UGT2B17: variants seen among roughly 807,000 people sequenced by gnomAD.
UGT2B17 encodes UDP glucuronosyltransferase family 2 member B17, also known as UDP-glucuronosyltransferase 2B17.
In UGT2B17, 21 loss-of-function variants were observed where a neutral mutation model predicts 48.2. The observed-to-expected ratio is 0.44, with a 90% CI of 0.31 to 0.63. The LOEUF (loss-of-function observed/expected upper bound fraction) is 0.63. UGT2B17 is among the 20% of genes least tolerant of loss of function. UGT2B17 has a pLI of 0.08. For missense variants in UGT2B17, 402 were observed against 696.1 expected, an observed-to-expected ratio of 0.58 and a Z score of 4.75; for synonymous variants, 146 against 238.4, an observed-to-expected ratio of 0.61 and a Z score of 3.57.
intron 6 of UGT2B17, 24 bp downstream of exon 6, chr4:68,550,653 T>C: frequency 7.4e-7 from 1 of 1,353,882 alleles, no homozygotes; most frequent in Non-Finnish European, 9.6e-7. Flanking sequence ...AAGTACCACC[T>C]GGTCACAAAA....
rs1296745368 is a variant in UGT2B17, at chr4:68,555,424, A to T, written c.1006-3513T>A. 9.5e-5 allele frequency among the ~76,000 whole-genome samples: 12 copies of T among 126,390 alleles called. 4 individuals carry two copies. Among genetic ancestry groups the T allele is most frequent in the African/African-American group, 3.2e-4 (12 of 37,204 alleles). 82.9% of individuals were successfully genotyped at this position (126,390 alleles called of 152,430 possible). A position where few individuals can be genotyped will look rare whatever the true frequency, so the allele number is the denominator to read the frequency against. On this transcript the variant is annotated intron_variant, in intron 4 of 6. Coordinates refer to ENST00000317746, the MANE Select transcript of UGT2B17 (RefSeq NM_001077.4). Reference sequence around the variant, plus strand: ...CACAGGCATTAAGCTTTGTTTTGGGAAAAGACTGTTATCATTTTTATTTCA... The same window carrying T: ...CACAGGCATTAAGCTTTGTTTTGGGTAAAGACTGTTATCATTTTTATTTCA...
chr4:68,551,488 A>T (rs1384914350), intron 5 of UGT2B17, among the ~76,000 whole-genome samples: 1 of 124,302 alleles, frequency 8.0e-6, no homozygotes, highest in Non-Finnish European at 1.7e-5. Flanking sequence ...GTACCTGTTG[A>T]AATAACCCTG....
intron 1 of UGT2B17, among the ~76,000 whole-genome samples, chr4:68,570,029 C>T (rs1731274585): frequency 7.9e-6 from 1 of 126,102 alleles, no homozygotes; most frequent in South Asian, 3.5e-4. Context: ...CCACAGCAAC[C>T]AGACAAAGGA....
rs1239824381 is a variant in UGT2B17, at chr4:68,550,761, T to C, written c.1229A>G (p.Lys410Arg). 47 of 1,388,100 alleles carry C rather than the reference T, an allele frequency of 3.4e-5. 11 individuals carry two copies. The highest frequency in any genetic ancestry group is 4.4e-5 in the Non-Finnish European group (47 of 1,063,182). 86.0% of individuals were successfully genotyped at this position (1,388,100 alleles called of 1,614,324 possible). A position where few individuals can be genotyped will look rare whatever the true frequency, so the allele number is the denominator to read the frequency against. Residue 410 changes from lysine to arginine, a missense_variant, in exon 6 of 7, where the codon AAG (lysine) becomes AGG (arginine). This residue lies in a region of UGT2B17 where 156 missense variants were observed against 258.6 expected (regional missense o/e 0.60). Coordinates refer to ENST00000317746, the MANE Select transcript of UGT2B17 (RefSeq NM_001077.4). ...QHDNIAHMKA[K>R]GAALSVDIRT... ...GATGTCCACACTGAGGGCTGCTCCCTTGGCTTTCATGTGAGCAATGTTATC... is the reference window on the plus strand; with the variant it reads ...GATGTCCACACTGAGGGCTGCTCCCCTGGCTTTCATGTGAGCAATGTTATC...
At chr4:68,547,420 T>C (rs189029061) in intron 6 of UGT2B17, among the ~76,000 whole-genome samples, 4,719 of 125,546 alleles carry the variant, frequency 0.038, 1,046 homozygotes, top group African/African-American at 0.12. Context: ...ATACAAAAAT[T>C]AATTGAAGAT....
rs796231523 is a variant in UGT2B17 at position 68,548,492 on chromosome 4, G to T, written c.1313+2185C>A. 1.5e-4 allele frequency among the ~76,000 whole-genome samples: 19 copies of T among 124,738 alleles called. 2 individuals carry two copies. The highest frequency in any genetic ancestry group is 4.4e-4 in the African/African-American group (16 of 36,548). The allele number at this position is 124,738 out of a possible 152,430, so 81.8% of individuals were successfully genotyped here. ...TTAATGTTAAATGACGAGTTAATGG[G>T]TGCAGCACACCAACATGGCACATGT... On this transcript the variant is annotated intron_variant, in intron 6 of 6. Transcript: ENST00000317746.
In UGT2B17 at chr4:68,544,874, T is replaced by G. The variant is rs1480869256; in HGVS notation, c.1313+5803A>C. 1.6e-5 allele frequency among the ~76,000 whole-genome samples: 2 copies of G among 126,102 alleles called. 1 individual carries two copies. Among genetic ancestry groups the G allele is most frequent in the African/African-American group, 5.4e-5 (2 of 36,950 alleles). 82.7% of individuals were successfully genotyped at this position (126,102 alleles called of 152,430 possible). ...ATTACATAATGGTAAAGGGATCAAT[T>G]CAACAAGAAGAGCTAACTATCCTAA... is the stretch of plus-strand genomic sequence containing the variant. On this transcript the variant is annotated intron_variant, in intron 6 of 6. Transcript: ENST00000317746.
chr4:68,565,003 T>G lies in UGT2B17; in HGVS notation c.873+569A>C, dbSNP rs189431193. Among the ~76,000 whole-genome samples the G allele has an allele frequency of 7.5e-3, 947 of 126,194 alleles. 165 individuals are homozygous for G. Among genetic ancestry groups the G allele is most frequent in the African/African-American group, 0.024 (891 of 36,982 alleles). The allele number at this position is 126,194 out of a possible 152,430, so 82.8% of individuals were successfully genotyped here. A position where few individuals can be genotyped will look rare whatever the true frequency, so the allele number is the denominator to read the frequency against. The stretch of plus-strand genomic sequence containing the variant: ...GATTATAGGTGTGAGCCACCTTGCC[T>G]GGCCTCTGGTTTTCTTTTTGGGTCT... On this transcript the variant is annotated intron_variant, in intron 3 of 6. Coordinates refer to ENST00000317746, the MANE Select transcript of UGT2B17 (RefSeq NM_001077.4).
In UGT2B17 at chr4:68,567,714, A is replaced by G. The variant is rs372365591; in HGVS notation, c.724+47T>C. On this transcript the variant is annotated intron_variant, in intron 2 of 6. Transcript: ENST00000317746. ...TTTATATAAGCCCACCTTCAAAGGC[A>G]CAGGAAAATTAGAACTTAATAAACA... is the stretch of plus-strand genomic sequence containing the variant. 15 of 1,219,438 alleles carry G rather than the reference A, an allele frequency of 1.2e-5. 4 individuals carry two copies. The highest frequency in any genetic ancestry group is 1.6e-5 in the Non-Finnish European group (15 of 955,136). 75.5% of individuals were successfully genotyped at this position (1,219,438 alleles called of 1,614,324 possible). A position where few individuals can be genotyped will look rare whatever the true frequency, so the allele number is the denominator to read the frequency against.
Position 68,538,075 on chromosome 4 carries a change from T to C in UGT2B17, c.1314-171A>G, listed in dbSNP as rs548014329. Among the ~76,000 whole-genome samples, 40 of 126,340 alleles carry C rather than the reference T, an allele frequency of 3.2e-4. 9 individuals carry two copies. The South Asian group carries it at 5.2e-3, about 16-fold the overall frequency. The allele number at this position is 126,340 out of a possible 152,430, so 82.9% of individuals were successfully genotyped here. A position where few individuals can be genotyped will look rare whatever the true frequency, so the allele number is the denominator to read the frequency against. ...TATGTCATTACAGAAAGTTTGGTTTTTAAATTGGAGTTTTATCACTGACAA... is the reference window on the plus strand; with the variant it reads ...TATGTCATTACAGAAAGTTTGGTTTCTAAATTGGAGTTTTATCACTGACAA... On this transcript the variant is annotated intron_variant, in intron 6 of 6. Coordinates refer to ENST00000317746, the MANE Select transcript of UGT2B17 (RefSeq NM_001077.4).
In UGT2B17 at chr4:68,545,425, G is replaced by A. The variant is rs1223902640; in HGVS notation, c.1313+5252C>T. ...GAATCTCTGGGACGCATTCAAAGCA[G>A]TGTGTAGATGGAAATTTATAGCACT... On this transcript the variant is annotated intron_variant, in intron 6 of 6. Transcript: ENST00000317746. 1.6e-5 allele frequency among the ~76,000 whole-genome samples: 2 copies of A among 124,952 alleles called. 1 individual carries two copies. The allele number at this position is 124,952 out of a possible 152,430, so 82.0% of individuals were successfully genotyped here.
intron 4 of UGT2B17, among the ~76,000 whole-genome samples, chr4:68,555,635 C>CTAGGTAAATGACTAAATAAT (rs1349976233): frequency 8.0e-6 from 1 of 124,932 alleles, no homozygotes; most frequent in African/African-American, 2.7e-5. Flanking sequence ...CACAAATATT[C>CTAGGTAAATGACTAAATAAT]TAGGTAAATG....
chr4:68,565,565 T>C lies in UGT2B17; in HGVS notation c.873+7A>G, dbSNP rs748577319. On this transcript the variant is annotated splice_region_variant and intron_variant, in intron 3 of 6. Coordinates refer to ENST00000317746, the MANE Select transcript of UGT2B17 (RefSeq NM_001077.4). ...CAAGCAAACAAATGAAACAAGAATA[T>C]GTTCACCTTAGGCAAGGGTTTGGCT... 2.1e-5 allele frequency: 28 copies of C among 1,362,404 alleles called. 4 individuals carry two copies. The African/African-American group carries it at 2.4e-4, about 12-fold the overall frequency. 84.4% of individuals were successfully genotyped at this position (1,362,404 alleles called of 1,614,324 possible). A position where few individuals can be genotyped will look rare whatever the true frequency, so the allele number is the denominator to read the frequency against.
In UGT2B17 at chr4:68,569,242, C is replaced by A. The variant is rs192017922; in HGVS notation, c.-64-694G>T. Among the ~76,000 whole-genome samples the A allele has an allele frequency of 6.5e-4, 84 of 128,996 alleles. 7 individuals are homozygous for A. The highest frequency in any genetic ancestry group is 5.8e-3 in the East Asian group (9 of 1,556). The allele number at this position is 128,996 out of a possible 152,430, so 84.6% of individuals were successfully genotyped here. On this transcript the variant is annotated intron_variant, in intron 1 of 6. Transcript: ENST00000317746. ...GGATCCACACACCCTCTGCAGGAAG[C>A]GTACTGCTCCTGCAGGACCTGGGAG...
intron 3 of UGT2B17, among the ~76,000 whole-genome samples, chr4:68,562,409 G>T (rs1240023270): frequency 7.9e-6 from 1 of 126,016 alleles, no homozygotes; most frequent in Admixed American, 8.2e-5. Flanking sequence ...CACTGTGCCC[G>T]GTCTGATATC....
Position 68,561,282 on chromosome 4 carries a change from G to A in UGT2B17, c.874-614C>T, listed in dbSNP as rs567474627. On this transcript the variant is annotated intron_variant, in intron 3 of 6. Transcript: ENST00000317746. ...TACCCCACTACCCCTCACTTCCCCCGACACCCCCACCCCCAAAAAACACCT... is the reference window on the plus strand; with the variant it reads ...TACCCCACTACCCCTCACTTCCCCCAACACCCCCACCCCCAAAAAACACCT... Among the ~76,000 whole-genome samples, 8 of 79,540 alleles carry A rather than the reference G, an allele frequency of 1.0e-4. 2 individuals are homozygous for A. The highest frequency in any genetic ancestry group is 1.5e-4 in the Admixed American group (1 of 6,562). The allele number at this position is 79,540 out of a possible 152,430, so 52.2% of individuals were successfully genotyped here.
intron 6 of UGT2B17, among the ~76,000 whole-genome samples, chr4:68,548,786 G>A (rs1730865953): frequency 8.1e-6 from 1 of 124,136 alleles, no homozygotes; most frequent in Admixed American, 8.4e-5. Context: ...GAATTTATTC[G>A]TGATTTGGCT....
intron 1 of UGT2B17, among the ~76,000 whole-genome samples, chr4:68,573,682 C>T (rs1344852244): frequency 3.2e-5 from 4 of 126,326 alleles, no homozygotes; most frequent in Admixed American, 2.4e-4. Context: ...GCACAAATGC[C>T]ACTCTAGTTA....
Position 68,537,897 on chromosome 4 carries a change from C to T in UGT2B17, c.1321G>A (p.Glu441Lys), listed in dbSNP as rs777980350. 16 of 1,352,368 alleles carry T rather than the reference C, an allele frequency of 1.2e-5. 4 individuals are homozygous for T. Among genetic ancestry groups the T allele is most frequent in the Non-Finnish European group, 1.5e-5 (16 of 1,038,792 alleles). 83.8% of individuals were successfully genotyped at this position (1,352,368 alleles called of 1,614,324 possible). The change falls in exon 7 of 7, where the codon GAG becomes AAG. Residue 441 changes from glutamate (E) to lysine (K), a missense_variant. Glu to Lys is a moderately conservative substitution (Grantham distance 56, BLOSUM62 1). Coordinates refer to ENST00000317746, the MANE Select transcript of UGT2B17 (RefSeq NM_001077.4). ...ATTCTTGATAATTTCATGATATTCTCTTTATAGCTGAAGGATAAATATAAA... is the reference window on the plus strand; with the variant it reads ...ATTCTTGATAATTTCATGATATTCTTTTTATAGCTGAAGGATAAATATAAA... ...KSVINDPIYKENIMKLSRIHH... is the reference protein window; with the variant it reads ...KSVINDPIYKKNIMKLSRIHH...
Sources: allele counts gnomAD v4.1 joint callset (sites outside exome capture counted in the v4.1 genomes callset), GRCh38; gene constraint gnomAD v4.1.1; regional missense constraint gnomAD v4.1.1; transcripts MANE v1.5; gene names NCBI Gene and HGNC (gene_info 2026-07-23, HGNC 2026-07-21).